The following EYS variants were observed in gnomAD, a reference collection of about 807,000 sequenced individuals.
The protein encoded by EYS is protein eyes shut homolog.
Under a neutral mutation model 282.1 loss-of-function variants are expected in EYS, and 250 were observed. The ratio of observed to expected loss-of-function variants is 0.89; its 90% confidence interval spans 0.80 to 0.98. The LOEUF is 0.98. EYS is among the 50% of genes least tolerant of loss of function. The probability of loss-of-function intolerance (pLI) is 0.00; values close to 1 mark genes in which losing one functional copy is unlikely to be tolerated. For synonymous variants in EYS, 1,355 were observed against 1,282.9 expected, an observed-to-expected ratio of 1.06 and a Z score of -1.20; for missense variants, 4,016 against 3,709.0, an observed-to-expected ratio of 1.08 and a Z score of -2.15.
At chr6:64,119,048 C>A (rs1420893664) in intron 31 of EYS, among the ~76,000 whole-genome samples, 1 of 151,968 alleles carries the variant, frequency 6.6e-6, no homozygotes, top group Non-Finnish European at 1.5e-5. Context: ...AAAATAAATA[C>A]TGGTAATTAT....
At chr6:64,898,366 G>T (rs575567991) in intron 18 of EYS, among the ~76,000 whole-genome samples, 37 of 152,126 alleles carry the variant, frequency 2.4e-4, no homozygotes, top group African/African-American at 8.2e-4. Context: ...ATTCACAAGT[G>T]AAGGAGAAAT....
chr6:64,102,686 CATA>C (rs1211922307), intron 31 of EYS, among the ~76,000 whole-genome samples: 4 of 151,990 alleles, frequency 2.6e-5, no homozygotes, highest in Non-Finnish European at 5.9e-5. Flanking sequence ...TAAACTTTTA[CATA>C]ATGATTTTTA....
chr6:64,055,757 C>A (rs1770962812), intron 33 of EYS, among the ~76,000 whole-genome samples: 1 of 152,098 alleles, frequency 6.6e-6, no homozygotes, highest in African/African-American at 2.4e-5. Context: ...CTTTGGGTCA[C>A]TCCTCGTAAG....
chr6:63,907,162 C>T (rs140094369), intron 35 of EYS, among the ~76,000 whole-genome samples: 83 of 152,246 alleles, frequency 5.5e-4, no homozygotes, highest in African/African-American at 1.9e-3. Flanking sequence ...GAAATATCTT[C>T]CTTGTTACCT....
At chr6:64,979,546 C>T (rs1031292514) in intron 14 of EYS, among the ~76,000 whole-genome samples, 1 of 151,486 alleles carries the variant, frequency 6.6e-6, no homozygotes, top group Non-Finnish European at 1.5e-5. Flanking sequence ...TTGAGCAGAG[C>T]AGGACCTGTA....
chr6:65,214,025 G>A (rs1228184759), intron 12 of EYS, among the ~76,000 whole-genome samples: 1 of 151,810 alleles, frequency 6.6e-6, no homozygotes, highest in African/African-American at 2.4e-5. Flanking sequence ...TGGGCATGGT[G>A]GCGGGTGCCT....
At chr6:63,935,084 T>C (rs1367216228) in intron 35 of EYS, among the ~76,000 whole-genome samples, 2 of 152,200 alleles carry the variant, frequency 1.3e-5, no homozygotes, top group Non-Finnish European at 2.9e-5. Context: ...AAACCTTATA[T>C]TGTACTACAT....
At chr6:65,467,033 G>C (rs931018888) in intron 5 of EYS, among the ~76,000 whole-genome samples, 1 of 152,046 alleles carries the variant, frequency 6.6e-6, no homozygotes, top group Non-Finnish European at 1.5e-5. Context: ...AGTAATTCAG[G>C]TTTTTGCCAT....
rs536604350 is a variant in EYS, at chr6:65,612,242, A to G, written c.-333+27536T>C. On this transcript the variant is annotated intron_variant, in intron 2 of 42. Transcript: ENST00000503581. ...ATATATATGTGTATATGTATATATCATATATATTTATTATGTATGACATAT... is the reference window on the plus strand; with the variant it reads ...ATATATATGTGTATATGTATATATCGTATATATTTATTATGTATGACATAT... 2.0e-4 allele frequency among the ~76,000 whole-genome samples: 30 copies of G among 150,890 alleles called. 1 individual carries two copies. In the South Asian group the frequency reaches 6.2e-3, roughly 31 times the overall value.
chr6:64,230,767 T>G lies in EYS; in HGVS notation c.6249A>C (p.Thr2083=), dbSNP rs1005939398. The G allele has an allele frequency of 5.2e-6, 8 of 1,551,532 alleles. No homozygotes were observed. The highest frequency in any genetic ancestry group is 7.0e-6 in the Non-Finnish European group (8 of 1,146,866). ...AAGTCCACATGGTATCAACCCCTTG[T>G]GTCACATCAGAAGCATCAACAAAGG... ...TASFVDASDV[T]QGVDTMWTSV... Residue 2083 remains threonine, a synonymous_variant, in exon 31 of 43, where the codon ACA becomes ACC. Transcript: ENST00000503581.
chr6:64,181,535 T>C (rs1016682008), intron 31 of EYS, among the ~76,000 whole-genome samples: 1 of 152,100 alleles, frequency 6.6e-6, no homozygotes, highest in Admixed American at 6.6e-5. Context: ...TTAACTTTTC[T>C]TTATTACATT....
intron 26 of EYS, among the ~76,000 whole-genome samples, chr6:64,454,420 A>G (rs1232835914): frequency 6.6e-6 from 1 of 152,160 alleles, no homozygotes; most frequent in Admixed American, 6.6e-5. Context: ...CATCCTATTA[A>G]GTTGCATAAA....
intron 12 of EYS, among the ~76,000 whole-genome samples, chr6:65,148,426 C>T (rs180878135): frequency 6.6e-6 from 1 of 152,258 alleles, no homozygotes; most frequent in African/African-American, 2.4e-5. Context: ...TCTCCTTTGA[C>T]TCCATGTCTC....
intron 29 of EYS, among the ~76,000 whole-genome samples, chr6:64,328,667 T>A (rs1202204948): frequency 1.3e-5 from 2 of 152,148 alleles, no homozygotes; most frequent in Non-Finnish European, 2.9e-5. Flanking sequence ...TAACCCAGGT[T>A]ATCTATGTGG....
At chr6:64,400,089 A>G (rs1056476149) in intron 28 of EYS, among the ~76,000 whole-genome samples, 2 of 151,988 alleles carry the variant, frequency 1.3e-5, no homozygotes, top group African/African-American at 4.8e-5. Flanking sequence ...AAGTGAATAT[A>G]TCATGAGGGA....
chr6:64,137,496 T>A lies in EYS; in HGVS notation c.6425-55494A>T, dbSNP rs146830266. 6.2e-3 allele frequency among the ~76,000 whole-genome samples: 949 copies of A among 152,230 alleles called. 8 individuals carry two copies. The highest frequency in any genetic ancestry group is 0.031 in the East Asian group (163 of 5,180). ...ATCATTTCTAGCTTTTGATTTAAAG[T>A]GAGAGATGTGTGACTCTTCCTTTTA... On this transcript the variant is annotated intron_variant, in intron 31 of 42. Coordinates refer to ENST00000503581, the MANE Select transcript of EYS (RefSeq NM_001142800.2).
rs560807184 is a variant in EYS, at chr6:64,616,197, T to C, written c.3684+1221A>G. On this transcript the variant is annotated intron_variant, in intron 24 of 42. Transcript: ENST00000503581. ...AAGACATAGTTAAATAAAAGACACA[T>C]CTCAGTATTTTGCTCTTTATACTGA... Among the ~76,000 whole-genome samples the C allele has an allele frequency of 7.2e-5, 11 of 152,266 alleles. No individual in the cohort carries two copies. The South Asian group carries it at 2.3e-3, about 32-fold the overall frequency.
intron 41 of EYS, among the ~76,000 whole-genome samples, chr6:63,738,939 A>G (rs1451396774): frequency 2.0e-5 from 3 of 152,134 alleles, no homozygotes; most frequent in Admixed American, 6.6e-5. Context: ...TCGTTGCTAC[A>G]TACTGATTAT....
intron 35 of EYS, among the ~76,000 whole-genome samples, chr6:63,899,145 T>C (rs372325275): frequency 2.6e-5 from 4 of 152,324 alleles, no homozygotes; most frequent in Non-Finnish European, 4.4e-5. Context: ...GAATGATTAA[T>C]TGATAATTAA....
Sources: gnomAD v4.1 joint callset for allele counts (sites outside exome capture counted in the v4.1 genomes callset) on GRCh38, gnomAD v4.1.1 for gene constraint, MANE v1.5 for transcripts, NCBI Gene and HGNC (gene_info 2026-07-23, HGNC 2026-07-21) for gene names.